The following IL33 variants were observed in gnomAD, a reference collection of about 807,000 sequenced individuals.
IL33 encodes the protein interleukin-33.
A neutral mutation model predicts 27.3 loss-of-function variants in IL33; 37 were observed. The ratio of observed to expected loss-of-function variants is 1.36; its 90% CI spans 1.04 to 1.78. The LOEUF (loss-of-function observed/expected upper bound fraction) is 1.78, where lower values mean the gene tolerates loss of function less well. Ranked by LOEUF, IL33 falls within the 40% of genes most tolerant of loss-of-function variation. IL33 has a pLI of 0.00. For missense variants in IL33, 406 were observed against 311.4 expected, an observed-to-expected ratio of 1.30 and a Z score of -2.29; for synonymous variants, 132 against 102.9, an observed-to-expected ratio of 1.28 and a Z score of -1.71.
At chr9:6,236,605 C>T (rs1024738352) in intron 1 of IL33, among the ~76,000 whole-genome samples, 20 of 152,302 alleles carry the variant, frequency 1.3e-4, no homozygotes, top group East Asian at 5.8e-4. Context: ...CAGTGGCTCA[C>T]GCCTGTAATC....
chr9:6,241,858 T>C, intron 2 of IL33, 73 bp downstream of exon 2: 2 of 954,120 alleles, frequency 2.1e-6, no homozygotes, highest in South Asian at 1.6e-5. Context: ...TACTCCAATG[T>C]TTATACATGC....
chr9:6,250,966 C>A (rs533549651), intron 3 of IL33, among the ~76,000 whole-genome samples, 174 bp from the exon 4 acceptor site: 1 of 152,080 alleles, frequency 6.6e-6, no homozygotes, highest in East Asian at 1.9e-4. Context: ...AATGAGTGTG[C>A]TTCTACTGGG....
At chr9:6,244,202 TTACCTATACC>T (rs1182187886) in intron 2 of IL33, among the ~76,000 whole-genome samples, 1 of 152,160 alleles carries the variant, frequency 6.6e-6, no homozygotes, top group Non-Finnish European at 1.5e-5. Flanking sequence ...CCCTAACTAC[TTACCTATACC>T]ATTTAGAGGA....
chr9:6,223,066 G>GTGT (rs1467354696), intron 1 of IL33, among the ~76,000 whole-genome samples: 1 of 152,114 alleles, frequency 6.6e-6, no homozygotes, highest in Non-Finnish European at 1.5e-5. Context: ...AGGCTCCTCT[G>GTGT]TGTCACTACC....
chr9:6,245,267 TA>T (rs754670485), intron 2 of IL33, among the ~76,000 whole-genome samples: 1 of 152,236 alleles, frequency 6.6e-6, no homozygotes, highest in Non-Finnish European at 1.5e-5. Flanking sequence ...AAAAATAGGA[TA>T]TTTTTAATGA....
intron 3 of IL33, 34 bp downstream of exon 3, chr9:6,250,633 A>G (rs764129923): frequency 4.4e-6 from 7 of 1,600,832 alleles, no homozygotes; most frequent in South Asian, 2.2e-5. Context: ...GGCAATAGTG[A>G]TAAGTATCTG....
chr9:6,251,015 T>A (rs1453779255), intron 3 of IL33, 125 bp from the exon 4 acceptor site: 1 of 1,257,438 alleles, frequency 8.0e-7, no homozygotes, highest in African/African-American at 1.5e-5. Context: ...CTTTGGACCA[T>A]GAAGTGGCCA....
intron 2 of IL33, among the ~76,000 whole-genome samples, chr9:6,245,826 G>A (rs1415007803): frequency 6.6e-6 from 1 of 152,098 alleles, no homozygotes; most frequent in Non-Finnish European, 1.5e-5. Flanking sequence ...ACTTTGGGAG[G>A]CTGAGGCGGG....
chr9:6,229,972 G>C (rs1239383096), intron 1 of IL33, among the ~76,000 whole-genome samples: 2 of 152,184 alleles, frequency 1.3e-5, no homozygotes, highest in Non-Finnish European at 2.9e-5. Context: ...GCACTAGCAA[G>C]AGGAATAGTT....
intron 7 of IL33, among the ~76,000 whole-genome samples, chr9:6,255,340 A>G (rs1211332357): frequency 5.9e-5 from 9 of 152,190 alleles, no homozygotes; most frequent in Admixed American, 3.9e-4. Context: ...CTTCCTAAGC[A>G]AAACATTCCT....
At chr9:6,250,718 A>C (rs1401647837) in intron 3 of IL33, 119 bp downstream of exon 3, 14 of 1,173,642 alleles carry the variant, frequency 1.2e-5, no homozygotes, top group Non-Finnish European at 1.5e-5. Flanking sequence ...AAATATTAAG[A>C]ATGATGAACT....
chr9:6,237,499 ACT>A (rs1819289650), intron 1 of IL33, among the ~76,000 whole-genome samples: 1 of 152,202 alleles, frequency 6.6e-6, no homozygotes, highest in South Asian at 2.1e-4. Flanking sequence ...ACAAGCCAAT[ACT>A]GGTTTACAGC....
intron 4 of IL33, among the ~76,000 whole-genome samples, chr9:6,251,558 A>G (rs534677164): frequency 2.3e-4 from 35 of 152,212 alleles, no homozygotes; most frequent in Admixed American, 5.2e-4. Context: ...ATCTTTTGGG[A>G]AAAAAACACA....
At chr9:6,251,937 G>A (rs1232991689) in intron 4 of IL33, among the ~76,000 whole-genome samples, 1 of 151,388 alleles carries the variant, frequency 6.6e-6, no homozygotes, top group African/African-American at 2.4e-5. Flanking sequence ...CTACTTGTGA[G>A]GCTGAGGCAC....
intron 1 of IL33, among the ~76,000 whole-genome samples, chr9:6,234,732 C>T (rs1564057679): frequency 1.4e-5 from 2 of 144,752 alleles, no homozygotes; most frequent in African/African-American, 5.1e-5. Context: ...TAACTGGCCT[C>T]CTAACTATTC....
chr9:6,233,823 A>ATTCT (rs1819045409), intron 1 of IL33, among the ~76,000 whole-genome samples: 1 of 152,120 alleles, frequency 6.6e-6, no homozygotes, highest in African/African-American at 2.4e-5. Context: ...TAAAGATACC[A>ATTCT]TTCTTTCTTT....
At chr9:6,229,324 G>A (rs1441323733) in intron 1 of IL33, among the ~76,000 whole-genome samples, 2 of 152,110 alleles carry the variant, frequency 1.3e-5, no homozygotes, top group Non-Finnish European at 2.9e-5. Context: ...ATCCACTGGG[G>A]CCCTCAAAGT....
Position 6,257,485 on chromosome 9 carries a change from T to G in IL33, c.*1317T>G, listed in dbSNP as rs1282212657. ...GCAATATTTTTTTGCTAAACGTTTTTGTTTTTTACTGTCACTAGGGCAATA... is the reference window on the plus strand; with the variant it reads ...GCAATATTTTTTTGCTAAACGTTTTGGTTTTTTACTGTCACTAGGGCAATA... On this transcript the variant is annotated 3_prime_UTR_variant, in exon 8 of 8. Transcript: ENST00000682010. 6.6e-6 allele frequency: 1 copy of G among 152,660 alleles called. No individual in the cohort carries two copies. Among genetic ancestry groups the G allele is most frequent in the Non-Finnish European group, 1.5e-5 (1 of 68,030 alleles). 9.5% of individuals were successfully genotyped at this position (152,660 alleles called of 1,614,324 possible).
intron 1 of IL33, among the ~76,000 whole-genome samples, chr9:6,216,066 T>G (rs1292904414): frequency 6.6e-6 from 1 of 152,228 alleles, no homozygotes; most frequent in African/African-American, 2.4e-5. Flanking sequence ...ATTAATAAAT[T>G]GCTGAAAGAG....
Sources: gnomAD v4.1 joint callset for allele counts (sites outside exome capture counted in the v4.1 genomes callset) on GRCh38, gnomAD v4.1.1 for gene constraint, MANE v1.5 for transcripts, NCBI Gene and HGNC (gene_info 2026-07-23, HGNC 2026-07-21) for gene names.